The following NDC1 variants were observed in gnomAD, a reference collection of about 807,000 sequenced individuals.
NDC1 encodes nucleoporin NDC1.
A neutral mutation model predicts 89.8 loss-of-function variants in NDC1; 24 were observed. The ratio of observed to expected loss-of-function variants is 0.27; its 90% CI spans 0.19 to 0.38. The LOEUF (loss-of-function observed/expected upper bound fraction) is 0.38, where lower values mean the gene tolerates loss of function less well. Among genes scored for constraint, NDC1 ranks in the 10% least tolerant of loss-of-function variants. NDC1 has a pLI of 1.00. For missense variants in NDC1, 728 were observed against 797.6 expected, an observed-to-expected ratio of 0.91 and a Z score of 1.05; for synonymous variants, 296 against 284.8, an observed-to-expected ratio of 1.04 and a Z score of -0.39.
chr1:53,791,946 CTTT>C (rs776207954), intron 14 of NDC1, among the ~76,000 whole-genome samples: 3 of 143,960 alleles, frequency 2.1e-5, no homozygotes, highest in African/African-American at 2.5e-5. Flanking sequence ...TCCCCTTCTT[CTTT>C]TTTTTTTTTT....
At chr1:53,832,622 G>T in intron 2 of NDC1, 31 bp from the exon 3 acceptor site, 1 of 1,161,232 alleles carries the variant, frequency 8.6e-7, no homozygotes. Context: ...ATTAGTAAAG[G>T]TTATTCAGTC....
chr1:53,837,160 T>C (rs1230205217), intron 1 of NDC1, among the ~76,000 whole-genome samples: 3 of 152,198 alleles, frequency 2.0e-5, no homozygotes, highest in Admixed American at 6.5e-5. Flanking sequence ...CCAGGCACGA[T>C]GGCATGCACC....
In NDC1 at chr1:53,779,590, C is replaced by A. The variant is rs373309321; in HGVS notation, c.1801-7101G>T. On this transcript the variant is annotated intron_variant, in intron 16 of 17. Coordinates refer to ENST00000371429, the MANE Select transcript of NDC1 (RefSeq NM_018087.5). ...GAAATGCAAAACTCTGCCAAGCTCTCCCAAAGGTAATCTAAAAGGGTGGCC... is the reference window on the plus strand; with the variant it reads ...GAAATGCAAAACTCTGCCAAGCTCTACCAAAGGTAATCTAAAAGGGTGGCC... Among the ~76,000 whole-genome samples the A allele has an allele frequency of 3.9e-5, 6 of 152,244 alleles. No individual in the cohort carries two copies. In the East Asian group the frequency reaches 1.2e-3, roughly 29 times the overall value.
chr1:53,836,789 C>T (rs1231383831), intron 1 of NDC1, among the ~76,000 whole-genome samples: 1 of 152,086 alleles, frequency 6.6e-6, no homozygotes. Flanking sequence ...ACATTCTATA[C>T]AAAAATTAAC....
intron 6 of NDC1, among the ~76,000 whole-genome samples, chr1:53,813,963 C>G (rs1648395802): frequency 1.3e-5 from 2 of 152,206 alleles, no homozygotes; most frequent in Admixed American, 6.5e-5. Flanking sequence ...TGGAAATCAA[C>G]TCCAAAAGAA....
At chr1:53,774,429 T>C (rs1647144720) in intron 16 of NDC1, among the ~76,000 whole-genome samples, 1 of 152,208 alleles carries the variant, frequency 6.6e-6, no homozygotes, top group South Asian at 2.1e-4. Context: ...AGTTATATTC[T>C]TTTCAATTTT....
rs770217612 is a variant in NDC1, at chr1:53,800,749, G to A, written c.1166C>T (p.Thr389Met). Residue 389 changes from threonine to methionine, a missense_variant, in exon 11 of 18, where the codon ACG (threonine) becomes ATG (methionine). Thr to Met is a moderately conservative substitution (Grantham distance 81). Transcript: ENST00000371429. The stretch of plus-strand genomic sequence containing the variant: ...GTAAGATGAAGACACTCTCCCATTC[G>A]TAGCAGCAGCTTCTTGATAGAGAAT... ...KLILYQEAAA[T>M]NGRVSSSYPV... The A allele has an allele frequency of 4.3e-6, 7 of 1,613,984 alleles. No individual in the cohort carries two copies. The highest frequency in any genetic ancestry group is 1.6e-4 in the Middle Eastern group (1 of 6,062).
At chr1:53,832,266 G>A (rs967571617) in intron 3 of NDC1, among the ~76,000 whole-genome samples, 3 of 152,058 alleles carry the variant, frequency 2.0e-5, no homozygotes, top group African/African-American at 4.8e-5. Flanking sequence ...CAGATACCTC[G>A]TATAAGTAGA....
chr1:53,768,115 T>G (rs1053602745), intron 17 of NDC1, 82 bp from the exon 18 acceptor site: 24 of 806,954 alleles, frequency 3.0e-5, no homozygotes, highest in Admixed American at 1.2e-4. Flanking sequence ...GAGACAATAT[T>G]TTTCAAAACA....
At chr1:53,787,656 A>AATAAATAG (rs1246934598) in intron 15 of NDC1, among the ~76,000 whole-genome samples, 1 of 143,884 alleles carries the variant, frequency 7.0e-6, no homozygotes, top group Non-Finnish European at 1.5e-5. Context: ...AAGTAAAATA[A>AATAAATAG]ATAAATAGAT....
intron 3 of NDC1, among the ~76,000 whole-genome samples, chr1:53,831,676 A>G (rs1649073015): frequency 6.6e-6 from 1 of 152,120 alleles, no homozygotes; most frequent in Admixed American, 6.5e-5. Flanking sequence ...TGTCTCAAAA[A>G]AAAAAAAGGA....
intron 16 of NDC1, among the ~76,000 whole-genome samples, chr1:53,773,063 C>G (rs1647132528): frequency 6.9e-6 from 1 of 144,652 alleles, no homozygotes; most frequent in African/African-American, 2.6e-5. Flanking sequence ...TATGATGTGA[C>G]AGCCAGGAGG....
chr1:53,828,500 T>C (rs1048202469), intron 3 of NDC1, among the ~76,000 whole-genome samples: 3 of 140,728 alleles, frequency 2.1e-5, no homozygotes, highest in African/African-American at 3.1e-5. Context: ...AGAATAATGA[T>C]TTTTTTTTTC....
intron 16 of NDC1, among the ~76,000 whole-genome samples, chr1:53,773,652 C>T (rs146137736): frequency 6.4e-4 from 97 of 152,274 alleles, no homozygotes; most frequent in Non-Finnish European, 1.2e-3. Flanking sequence ...ACTTTTGGGG[C>T]GTGAACCTTC....
At position 53,766,688 on chromosome 1, in the gene NDC1, T is replaced by C. The variant is rs1557559163; in HGVS notation, c.*1282A>G. ...TATAAAGATATAATACATCGATGAA[T>C]CAGACAAAAGTAGACATATATGATA... On this transcript the variant is annotated 3_prime_UTR_variant, in exon 18 of 18. Transcript: ENST00000371429. The C allele has an allele frequency of 6.6e-6, 1 of 152,102 alleles. No individual in the cohort carries two copies. The highest frequency in any genetic ancestry group is 1.5e-5 in the Non-Finnish European group (1 of 68,016). 9.4% of individuals were successfully genotyped at this position (152,102 alleles called of 1,614,324 possible). A position where few individuals can be genotyped will look rare whatever the true frequency, so the allele number is the denominator to read the frequency against.
rs1386042036 is a variant in NDC1, at chr1:53,765,790, ACT to A, written c.*2178_*2179del. On this transcript the variant is annotated 3_prime_UTR_variant, in exon 18 of 18. Coordinates refer to ENST00000371429, the MANE Select transcript of NDC1 (RefSeq NM_018087.5). ...CAGCCGAGAAAGGCTTTTAAAGAAC[ACT>A]CTCTTTCAGGCCAATGTTACAGCAT... 1 of 152,058 alleles carries A rather than the reference ACT, an allele frequency of 6.6e-6. No individual in the cohort carries two copies. Among genetic ancestry groups the A allele is most frequent in the Non-Finnish European group, 1.5e-5 (1 of 67,998 alleles). 9.4% of individuals were successfully genotyped at this position (152,058 alleles called of 1,614,324 possible). A position where few individuals can be genotyped will look rare whatever the true frequency, so the allele number is the denominator to read the frequency against.
intron 2 of NDC1, among the ~76,000 whole-genome samples, chr1:53,832,868 AG>A (rs1467527666): frequency 6.6e-6 from 1 of 152,102 alleles, no homozygotes; most frequent in African/African-American, 2.4e-5. Flanking sequence ...AAAGATAGCC[AG>A]GTGTGGTGGT....
At chr1:53,818,446 T>A (rs34535017) in intron 6 of NDC1, among the ~76,000 whole-genome samples, 4,369 of 151,210 alleles carry the variant, frequency 0.029, 97 homozygotes, top group Middle Eastern at 0.045. Context: ...AAAAAAAAAA[T>A]TTACCATTTT....
intron 16 of NDC1, among the ~76,000 whole-genome samples, chr1:53,773,314 T>C (rs965117103): frequency 6.6e-6 from 1 of 152,188 alleles, no homozygotes; most frequent in Admixed American, 6.5e-5. Context: ...ATTAAAATTA[T>C]TTTTGCCATC....
Sources: allele counts gnomAD v4.1 joint callset (sites outside exome capture counted in the v4.1 genomes callset), GRCh38; gene constraint gnomAD v4.1.1; transcripts MANE v1.5; gene names NCBI Gene and HGNC (gene_info 2026-07-23, HGNC 2026-07-21).